Variants in DNASE1 observed in about 807,000 individuals in gnomAD.
The protein encoded by DNASE1 is deoxyribonuclease-1.
A neutral mutation model predicts 33.9 loss-of-function variants in DNASE1; 40 were observed. The ratio of observed to expected loss-of-function variants is 1.18; its 90% CI spans 0.92 to 1.54. The LOEUF is 1.54. Among genes scored for constraint, DNASE1 ranks in the 40% most tolerant of loss-of-function variants. DNASE1 has a pLI of 0.00. For synonymous variants in DNASE1, 216 were observed against 160.0 expected, an observed-to-expected ratio of 1.35 and a Z score of -2.64; for missense variants, 518 against 372.6, an observed-to-expected ratio of 1.39 and a Z score of -3.21.
At chr16:3,620,798 A>T (rs66518404) in intron 1 of DNASE1, among the ~76,000 whole-genome samples, 14,986 of 150,076 alleles carry the variant, frequency 0.1, 975 homozygotes, top group Non-Finnish European at 0.14. Flanking sequence ...TTTTTTTTTT[A>T]AAAAGTTTAT....
chr16:3,645,573 G>T (rs528464685), intron 1 of DNASE1, among the ~76,000 whole-genome samples: 94 of 152,352 alleles, frequency 6.2e-4, no homozygotes, highest in Non-Finnish European at 1.2e-3. Flanking sequence ...GGGAGCGTGT[G>T]GGGAGGGACG....
At chr16:3,662,555 G>A (rs2043144993), downstream of DNASE1, 9 of 565,386 alleles carry the variant, frequency 1.6e-5, no homozygotes, top group South Asian at 1.6e-4. Flanking sequence ...GTGAGCATGT[G>A]AGCTCCTGAG....
intron 1 of DNASE1, among the ~76,000 whole-genome samples, chr16:3,620,001 C>T (rs985247536): frequency 3.3e-5 from 5 of 151,022 alleles, no homozygotes; most frequent in South Asian, 2.1e-4. Flanking sequence ...CTGCAACCCC[C>T]GCCTCCGGGG....
chr16:3,638,104 A>AGAGTGT (rs113328139), upstream of DNASE1, among the ~76,000 whole-genome samples: 1 of 143,446 alleles, frequency 7.0e-6, no homozygotes, highest in Non-Finnish European at 1.5e-5. Flanking sequence ...AGTTTTTGTG[A>AGAGTGT]GTGTGTGTGT....
chr16:3,617,347 A>AAAG (rs1260363796), intron 1 of DNASE1, among the ~76,000 whole-genome samples: 3 of 140,412 alleles, frequency 2.1e-5, no homozygotes, highest in African/African-American at 7.9e-5. Flanking sequence ...AAAAAAAAAA[A>AAAG]AAAAAAGAAT....
chr16:3,663,616 A>C, exon 10 of DNASE1: 1 of 1,607,314 alleles, frequency 6.2e-7, no homozygotes, highest in East Asian at 2.2e-5. Context: ...CAGCCACCAC[A>C]GAAGAAAGGA....
chr16:3,613,709 A>G (rs915263082), intron 1 of DNASE1, among the ~76,000 whole-genome samples: 1 of 152,184 alleles, frequency 6.6e-6, no homozygotes, highest in African/African-American at 2.4e-5. Flanking sequence ...GAGTGACGAC[A>G]TGGAGAGGCC....
intron 1 of DNASE1, among the ~76,000 whole-genome samples, chr16:3,614,527 G>A (rs192095445): frequency 5.4e-4 from 82 of 152,278 alleles, no homozygotes; most frequent in Non-Finnish European, 1.1e-3. Flanking sequence ...AAACATTTTA[G>A]GATTGGATAA....
chr16:3,655,424 G>T lies in DNASE1; in HGVS notation c.51G>T (p.Leu17=), dbSNP rs750700513. ...CGCTGCTGGCACTGGCGGCCCTACT[G>T]CAGGGGGCCGTGTCCCTGAAGATCG... ...LGALLALAAL[L]QGAVSLKIAA... The change falls in exon 2 of 9, where the codon CTG becomes CTT. Residue 17 remains leucine (L), a synonymous_variant. Transcript: ENST00000246949. The T allele has an allele frequency of 1.2e-6, 2 of 1,613,954 alleles. No homozygotes were observed. Among genetic ancestry groups the T allele is most frequent in the African/African-American group, 1.3e-5 (1 of 74,948 alleles).
intron 1 of DNASE1, among the ~76,000 whole-genome samples, chr16:3,627,504 TGG>T (rs1386146791): frequency 1.3e-5 from 2 of 152,162 alleles, no homozygotes; most frequent in Non-Finnish European, 2.9e-5. Flanking sequence ...CTGGAACTCC[TGG>T]GCTCAAGTGA....
chr16:3,643,520 C>T (rs2151194550), intron 1 of DNASE1, among the ~76,000 whole-genome samples: 1 of 152,336 alleles, frequency 6.6e-6, no homozygotes, highest in African/African-American at 2.4e-5. Context: ...TCCTGATTCA[C>T]TGTCTCACTG....
At chr16:3,614,178 C>G (rs563322410) in intron 1 of DNASE1, among the ~76,000 whole-genome samples, 1 of 152,128 alleles carries the variant, frequency 6.6e-6, no homozygotes, top group African/African-American at 2.4e-5. Flanking sequence ...TCCCAGAGTG[C>G]TGGGATTACA....
chr16:3,657,752 C>T lies in DNASE1; in HGVS notation c.737C>T (p.Ala246Val). 5 of 1,613,918 alleles carry T rather than the reference C, an allele frequency of 3.1e-6. No homozygotes were observed. Among genetic ancestry groups the T allele is most frequent in the Non-Finnish European group, 4.2e-6 (5 of 1,179,938 alleles). The change falls in exon 8 of 9, where the codon GCC (alanine) becomes GTC (valine). Residue 246 changes from alanine to valine, a missense_variant. Ala to Val is a moderately conservative substitution (Grantham distance 64, BLOSUM62 0). Transcript: ENST00000246949. ...IVVAGMLLRG[A>V]VVPDSALPFN... ...GTTGCAGGGATGCTGCTCCGAGGCGCCGTTGTTCCCGACTCGGCTCTTCCC... is the reference window on the plus strand; with the variant it reads ...GTTGCAGGGATGCTGCTCCGAGGCGTCGTTGTTCCCGACTCGGCTCTTCCC...
chr16:3,650,858 A>G (rs1211803987), upstream of DNASE1: 1 of 152,144 alleles, frequency 6.6e-6, no homozygotes, highest in African/African-American at 2.4e-5. Context: ...CTTCACAGTA[A>G]TTGCTTGTTC....
At chr16:3,664,013 A>G in exon 10 of DNASE1, 1 of 410,618 alleles carries the variant, frequency 2.4e-6, no homozygotes, top group Non-Finnish European at 4.3e-6. Context: ...CAGTGAGCCG[A>G]GATCGCACCA....
chr16:3,631,329 C>G (rs920116803), intron 1 of DNASE1, among the ~76,000 whole-genome samples: 6 of 151,894 alleles, frequency 4.0e-5, no homozygotes, highest in African/African-American at 1.5e-4. Context: ...CTCAGCCTCC[C>G]TAGTAGCTGG....
chr16:3,629,375 T>C (rs549399843), intron 1 of DNASE1, among the ~76,000 whole-genome samples: 1 of 152,278 alleles, frequency 6.6e-6, no homozygotes, highest in Admixed American at 6.5e-5. Flanking sequence ...ATTCCATTAA[T>C]GTGGTATGTT....
intron 1 of DNASE1, among the ~76,000 whole-genome samples, chr16:3,645,315 C>T (rs1051768385): frequency 1.3e-5 from 2 of 152,080 alleles, no homozygotes; most frequent in African/African-American, 4.8e-5. Flanking sequence ...TGGGAGAGAC[C>T]GAGGTGGCTT....
intron 4 of DNASE1, 75 bp downstream of exon 4, chr16:3,656,260 C>A: frequency 6.7e-7 from 1 of 1,496,848 alleles, no homozygotes; most frequent in Non-Finnish European, 9.3e-7. Context: ...GTAGTTTGTC[C>A]TATTAGTTTG....
Sources: allele counts gnomAD v4.1 joint callset (sites outside exome capture counted in the v4.1 genomes callset), GRCh38; gene constraint gnomAD v4.1.1; transcripts MANE v1.5; gene names NCBI Gene and HGNC (gene_info 2026-07-23, HGNC 2026-07-21).